FBXO10: variants seen among roughly 807,000 people sequenced by gnomAD.
FBXO10 encodes F-box only protein 10.
A neutral mutation model predicts 80.7 loss-of-function variants in FBXO10; 39 were observed. The ratio of observed to expected loss-of-function variants is 0.48; its 90% CI spans 0.37 to 0.63. The LOEUF (loss-of-function observed/expected upper bound fraction) is 0.63, where lower values mean the gene tolerates loss of function less well. FBXO10 is among the 30% of genes least tolerant of loss of function. The probability of loss-of-function intolerance (pLI) is 0.00; values close to 1 mark genes in which losing one functional copy is unlikely to be tolerated. For synonymous variants in FBXO10, 449 were observed against 489.6 expected (o/e 0.92, Z 1.09); for missense variants, 1,025 against 1,269.0 (o/e 0.81, Z 2.92).
At chr9:37,545,181 T>TTTTC (rs1017826980) in intron 1 of FBXO10, among the ~76,000 whole-genome samples, 1 of 137,262 alleles carries the variant, frequency 7.3e-6, no homozygotes, top group African/African-American at 2.8e-5. Flanking sequence ...CAGGCTTTTT[T>TTTTC]TTTTTTTTTT....
At chr9:37,517,953 C>T (rs1248112634) in intron 9 of FBXO10, among the ~76,000 whole-genome samples, 172 bp downstream of exon 9, 1 of 150,516 alleles carries the variant, frequency 6.6e-6, no homozygotes, top group Non-Finnish European at 1.5e-5. Context: ...TTCTCCGTCC[C>T]CCCCTGTGGG....
At position 37,522,833 on chromosome 9, in the gene FBXO10, G is replaced by A. The variant is rs1485892058; in HGVS notation, c.1922C>T (p.Thr641Ile). ...DEGKGLIEGN[T>I]IYANKGCGVW... ...GGGAACAAGCTCCTCACCGTAGATG[G>A]TATTTCCTTCTATGAGGCCTTTGCC... The change falls in exon 7 of 11, where the codon ACC becomes ATC. Residue 641 changes from threonine (T) to isoleucine (I), a missense_variant. Transcript: ENST00000432825. The A allele has an allele frequency of 6.4e-7, 1 of 1,551,938 alleles. No homozygotes were observed. Among genetic ancestry groups the A allele is most frequent in the Non-Finnish European group, 8.7e-7 (1 of 1,147,166 alleles).
At chr9:37,527,628 G>A (rs1264657467) in intron 5 of FBXO10, among the ~76,000 whole-genome samples, 1 of 152,198 alleles carries the variant, frequency 6.6e-6, no homozygotes, top group Non-Finnish European at 1.5e-5. Flanking sequence ...GCCTAGTAAA[G>A]TGCTCATTTT....
At chr9:37,525,720 G>A (rs557521657) in intron 5 of FBXO10, among the ~76,000 whole-genome samples, 98 of 152,106 alleles carry the variant, frequency 6.4e-4, no homozygotes, top group Middle Eastern at 3.4e-3. Flanking sequence ...TGTACTTTTT[G>A]TAGAGATGGG....
intron 2 of FBXO10, among the ~76,000 whole-genome samples, chr9:37,538,708 CA>C (rs34975108): frequency 0.027 from 1,871 of 69,484 alleles, 9 homozygotes; most frequent in Non-Finnish European, 0.033. Context: ...ACTCGGTGTC[CA>C]AAAAAAAAAA....
At chr9:37,519,368 A>C (rs1821269437) in intron 8 of FBXO10, among the ~76,000 whole-genome samples, 1 of 152,228 alleles carries the variant, frequency 6.6e-6, no homozygotes, top group South Asian at 2.1e-4. Flanking sequence ...GAAAAACCCC[A>C]AGTCAGCAGG....
chr9:37,524,878 C>T (rs541696719), intron 6 of FBXO10, among the ~76,000 whole-genome samples: 1 of 152,342 alleles, frequency 6.6e-6, no homozygotes, highest in South Asian at 2.1e-4. Flanking sequence ...TTGTGAGGGC[C>T]TGTCGGCTCT....
rs149640641 is a variant in FBXO10 at position 37,545,445 on chromosome 9, G to A, written c.-6-3671C>T. 6.1e-3 allele frequency among the ~76,000 whole-genome samples: 926 copies of A among 152,174 alleles called. 3 individuals carry two copies. The highest frequency in any genetic ancestry group is 0.01 in the Non-Finnish European group (708 of 68,002). ...GCCCATCTTGGCCTCCCAAAGTCCTGGGATTACAGGCGTGAGCCATCGAGC... is the reference window on the plus strand; with the variant it reads ...GCCCATCTTGGCCTCCCAAAGTCCTAGGATTACAGGCGTGAGCCATCGAGC... On this transcript the variant is annotated intron_variant, in intron 1 of 10. Coordinates refer to ENST00000432825, the MANE Select transcript of FBXO10 (RefSeq NM_012166.3).
At chr9:37,566,118 T>C (rs931295392) in intron 1 of FBXO10, among the ~76,000 whole-genome samples, 4 of 152,186 alleles carry the variant, frequency 2.6e-5, no homozygotes, top group African/African-American at 9.7e-5. Flanking sequence ...GAAATGACTC[T>C]GACAAAAGGG....
chr9:37,514,480 T>C (rs1371484146), intron 10 of FBXO10, among the ~76,000 whole-genome samples: 1 of 152,176 alleles, frequency 6.6e-6, no homozygotes, highest in Non-Finnish European at 1.5e-5. Flanking sequence ...TAAAATTTTC[T>C]ATTTTGGGGA....
chr9:37,538,274 TGA>T (rs1046730228), intron 2 of FBXO10, among the ~76,000 whole-genome samples: 9 of 152,054 alleles, frequency 5.9e-5, no homozygotes, highest in Non-Finnish European at 8.8e-5. Flanking sequence ...GGACAGGCAG[TGA>T]GAGAGGCCTA....
In FBXO10 at chr9:37,515,785, C is replaced by T. The variant is rs925521172; in HGVS notation, c.2696+119G>A. 24 of 1,066,510 alleles carry T rather than the reference C, an allele frequency of 2.3e-5. No homozygotes were observed. In the East Asian group the frequency reaches 3.1e-4, roughly 14 times the overall value. The allele number at this position is 1,066,510 out of a possible 1,614,324, so 66.1% of individuals were successfully genotyped here. A position where few individuals can be genotyped will look rare whatever the true frequency, so the allele number is the denominator to read the frequency against. On this transcript the variant is annotated intron_variant, in intron 10 of 10. Transcript: ENST00000432825. ...GCACAGGCCTTTTTCTGACTGGAGT[C>T]GACAGCTGGCAGGGTTGCAGGGAGC...
At chr9:37,569,878 A>G (rs1193983334) in intron 1 of FBXO10, among the ~76,000 whole-genome samples, 1 of 152,252 alleles carries the variant, frequency 6.6e-6, no homozygotes, top group African/African-American at 2.4e-5. Context: ...CTCACTGACC[A>G]CAGTCATAAT....
chr9:37,545,930 T>A (rs1822044994), intron 1 of FBXO10, among the ~76,000 whole-genome samples: 1 of 152,092 alleles, frequency 6.6e-6, no homozygotes, highest in Admixed American at 6.6e-5. Context: ...GTGGATCACT[T>A]GAAGTCGGGA....
At chr9:37,561,011 G>A (rs1822465233) in intron 1 of FBXO10, among the ~76,000 whole-genome samples, 3 of 151,994 alleles carry the variant, frequency 2.0e-5, no homozygotes, top group African/African-American at 7.3e-5. Flanking sequence ...GCATGGTGGT[G>A]GGCACCTGTA....
chr9:37,521,544 GCAGGGGCTGAGGGGGTATACT>G lies in FBXO10; in HGVS notation c.2200+4_2200+24del. On this transcript the variant is annotated splice_donor_5th_base_variant and intron_variant, in intron 8 of 10. Coordinates refer to ENST00000432825, the MANE Select transcript of FBXO10 (RefSeq NM_012166.3). ...GTGGGGAGCCATGGAAGGTTCTTGAGCAGGGGCTGAGGGGGTATACTCACCTCCATTGTGATTAATACTGTT... is the reference window on the plus strand; with the variant it reads ...GTGGGGAGCCATGGAAGGTTCTTGAGCACCTCCATTGTGATTAATACTGTT... 6.5e-7 allele frequency: 1 copy of G among 1,534,804 alleles called. No individual in the cohort carries two copies.
In FBXO10 at chr9:37,518,430, G is replaced by A. The variant is rs757874663; in HGVS notation, c.2209C>T (p.Leu737Phe). 5.8e-5 allele frequency: 92 copies of A among 1,592,664 alleles called. No individual in the cohort carries two copies. The highest frequency in any genetic ancestry group is 3.7e-4 in the Admixed American group (22 of 58,948). ...NSINHNGASGLYVQSSEALHV... is the reference protein window; with the variant it reads ...NSINHNGASGFYVQSSEALHV... The stretch of plus-strand genomic sequence containing the variant: ...AGTGCCTCGCTGCTCTGGACATAGA[G>A]TCCTGAGGCTATGGGTGGAAGGGTT... Residue 737 changes from leucine (L) to phenylalanine (F), a missense_variant, in exon 9 of 11, where the codon CTC becomes TTC. Physicochemically the swap from Leu to Phe is conservative, Grantham distance 22. Transcript: ENST00000432825.
chr9:37,516,300 T>C (rs775425043), intron 9 of FBXO10, among the ~76,000 whole-genome samples: 19 of 152,124 alleles, frequency 1.2e-4, no homozygotes, highest in Non-Finnish European at 2.5e-4. Context: ...TAGGCATTTA[T>C]CAGATGCACA....
At chr9:37,522,460 T>C in intron 7 of FBXO10, 2 of 1,043,918 alleles carry the variant, frequency 1.9e-6, no homozygotes, top group Non-Finnish European at 2.3e-6. Context: ...CCTGTGATTA[T>C]CTTGTTTTCC....
Sources: gnomAD v4.1 joint callset for allele counts (sites outside exome capture counted in the v4.1 genomes callset) on GRCh38, gnomAD v4.1.1 for gene constraint, MANE v1.5 for transcripts, NCBI Gene and HGNC (gene_info 2026-07-23, HGNC 2026-07-21) for gene names.